The following PCCA variants were observed in gnomAD, a reference collection of about 807,000 sequenced individuals.
The protein encoded by PCCA is propionyl-CoA carboxylase subunit alpha, also known as propionyl-CoA carboxylase alpha chain, mitochondrial.
PCCA carries 74 observed loss-of-function variants against 101.3 expected under a neutral mutation model. The ratio of observed to expected loss-of-function variants is 0.73; its 90% CI spans 0.61 to 0.89. PCCA has a LOEUF of 0.89. Among genes scored for constraint, PCCA ranks in the 40% least tolerant of loss-of-function variants. PCCA has a pLI of 0.00. For synonymous variants in PCCA, 294 were observed against 313.6 expected, an observed-to-expected ratio of 0.94 and a Z score of 0.66; for missense variants, 891 against 907.0, an observed-to-expected ratio of 0.98 and a Z score of 0.23.
At chr13:100,090,803 T>C (rs539850770) in intron 1 of PCCA, among the ~76,000 whole-genome samples, 22 of 152,328 alleles carry the variant, frequency 1.4e-4, no homozygotes, top group African/African-American at 5.3e-4. Flanking sequence ...TTACAGAAGA[T>C]GAAAGTGAGG....
chr13:100,342,845 C>G (rs1212170515), intron 18 of PCCA, among the ~76,000 whole-genome samples: 1 of 151,672 alleles, frequency 6.6e-6, no homozygotes, highest in Non-Finnish European at 1.5e-5. Flanking sequence ...CCTCAGTGTC[C>G]CTGGTAGCCA....
chr13:100,172,031 CA>C (rs3034651), intron 6 of PCCA, among the ~76,000 whole-genome samples: 3,579 of 100,784 alleles, frequency 0.036, 109 homozygotes, highest in African/African-American at 0.11. Context: ...GACTCTGTCT[CA>C]AAAAAAAAAA....
At chr13:100,097,403 T>C (rs2046864551) in intron 1 of PCCA, among the ~76,000 whole-genome samples, 1 of 152,074 alleles carries the variant, frequency 6.6e-6, no homozygotes, top group East Asian at 1.9e-4. Flanking sequence ...TTTTATGGTA[T>C]GTGAATTACA....
chr13:100,489,214 A>C (rs1231844246), intron 21 of PCCA, among the ~76,000 whole-genome samples: 1 of 152,200 alleles, frequency 6.6e-6, no homozygotes, highest in Non-Finnish European at 1.5e-5. Context: ...AGGCTGAGGC[A>C]GGAGAATGGC....
In PCCA at chr13:100,302,474, C is replaced by T. The variant is rs144079347; in HGVS notation, c.1210-450C>T. ...TACAAATGAAGTGCATATCTAGTAG[C>T]GTGCAAAGTTTTTTTTTTCAGGTCT... On this transcript the variant is annotated intron_variant, in intron 13 of 23. Coordinates refer to ENST00000376285, the MANE Select transcript of PCCA (RefSeq NM_000282.4). Among the ~76,000 whole-genome samples the T allele has an allele frequency of 3.7e-3, 555 of 151,546 alleles. 3 individuals are homozygous for T. The highest frequency in any genetic ancestry group is 0.013 in the African/African-American group (526 of 41,304).
At chr13:100,421,219 T>A (rs1879357968) in intron 19 of PCCA, among the ~76,000 whole-genome samples, 2 of 151,578 alleles carry the variant, frequency 1.3e-5, no homozygotes, top group Admixed American at 1.3e-4. Context: ...AAAAAAAAAA[T>A]TAATGTACTG....
At chr13:100,404,304 G>T (rs1337026535) in intron 19 of PCCA, among the ~76,000 whole-genome samples, 3 of 152,198 alleles carry the variant, frequency 2.0e-5, no homozygotes, top group African/African-American at 2.4e-5. Flanking sequence ...GGCATGTTGG[G>T]CTTCTGGGTT....
rs183665643 is a variant in PCCA, at chr13:100,245,817, A to G, written c.637+9939A>G. Among the ~76,000 whole-genome samples, 5 of 152,298 alleles carry G rather than the reference A, an allele frequency of 3.3e-5. No homozygotes were observed. In the East Asian group the frequency reaches 5.8e-4, roughly 18 times the overall value. ...TGTCATCCCTTGCCTACATCACTGT[A>G]ACAGCTTTTGAAATGTACTCCTCTT... On this transcript the variant is annotated intron_variant, in intron 8 of 23. Coordinates refer to ENST00000376285, the MANE Select transcript of PCCA (RefSeq NM_000282.4).
intron 6 of PCCA, among the ~76,000 whole-genome samples, chr13:100,182,260 C>T (rs2056870138): frequency 6.6e-6 from 1 of 151,820 alleles, no homozygotes; most frequent in South Asian, 2.1e-4. Flanking sequence ...CCACACCTGG[C>T]TCATTTTTGT....
rs368935467 is a variant in PCCA at position 100,291,163 on chromosome 13, A to T, written c.1066-10297A>T. ...TGTTGTGGCTCATGCCTGTAATCCC[A>T]GCACTTTTGGAGGCTGAGGCAGGAG... On this transcript the variant is annotated intron_variant, in intron 12 of 23. Coordinates refer to ENST00000376285, the MANE Select transcript of PCCA (RefSeq NM_000282.4). 4.6e-5 allele frequency among the ~76,000 whole-genome samples: 7 copies of T among 152,318 alleles called. No homozygotes were observed. The East Asian group carries it at 1.2e-3, about 25-fold the overall frequency.
intron 21 of PCCA, among the ~76,000 whole-genome samples, chr13:100,495,922 A>C (rs1484877116): frequency 2.6e-5 from 4 of 152,152 alleles, no homozygotes; most frequent in African/African-American, 9.7e-5. Flanking sequence ...AGAGTCCGCA[A>C]ATGTTAACAT....
At chr13:100,364,426 A>G (rs920458546) in intron 18 of PCCA, among the ~76,000 whole-genome samples, 1 of 152,256 alleles carries the variant, frequency 6.6e-6, no homozygotes, top group Non-Finnish European at 1.5e-5. Context: ...CAAAGTAAGT[A>G]TTATAAATGT....
chr13:100,324,680 A>AGTT (rs2068449499), intron 16 of PCCA, among the ~76,000 whole-genome samples: 1 of 152,214 alleles, frequency 6.6e-6, no homozygotes, highest in African/African-American at 2.4e-5. Flanking sequence ...CGCAGCATGA[A>AGTT]ATCATAACCA....
intron 7 of PCCA, among the ~76,000 whole-genome samples, chr13:100,211,700 T>A (rs937575231): frequency 1.3e-5 from 2 of 152,174 alleles, no homozygotes; most frequent in Admixed American, 1.3e-4. Flanking sequence ...AATCTTACTT[T>A]TTTTCATGGC....
At chr13:100,407,166 A>G (rs752752524) in intron 19 of PCCA, among the ~76,000 whole-genome samples, 2 of 152,262 alleles carry the variant, frequency 1.3e-5, no homozygotes, top group Non-Finnish European at 2.9e-5. Context: ...TAGAAATCCC[A>G]TACAATTTGG....
At chr13:100,505,779 A>C (rs921625106) in intron 21 of PCCA, among the ~76,000 whole-genome samples, 4 of 152,168 alleles carry the variant, frequency 2.6e-5, no homozygotes, top group Non-Finnish European at 5.9e-5. Flanking sequence ...ACGTGGGAGG[A>C]TCACTTGTGC....
intron 19 of PCCA, among the ~76,000 whole-genome samples, chr13:100,404,093 T>A (rs1364329154): frequency 6.6e-6 from 1 of 152,220 alleles, no homozygotes; most frequent in Admixed American, 6.5e-5. Flanking sequence ...AAGGGGCCGT[T>A]GTCAGAGTCT....
intron 6 of PCCA, among the ~76,000 whole-genome samples, chr13:100,191,807 C>T (rs1471360876): frequency 6.6e-6 from 1 of 152,192 alleles, no homozygotes; most frequent in African/African-American, 2.4e-5. Context: ...GAATATCATT[C>T]TGCTGAGATT....
At chr13:100,172,960 CTTG>C (rs2152417937) in intron 6 of PCCA, among the ~76,000 whole-genome samples, 1 of 152,280 alleles carries the variant, frequency 6.6e-6, no homozygotes, top group African/African-American at 2.4e-5. Context: ...GATTATACAG[CTTG>C]TTGTGGCACA....
Sources: allele counts gnomAD v4.1 joint callset (sites outside exome capture counted in the v4.1 genomes callset), GRCh38; gene constraint gnomAD v4.1.1; transcripts MANE v1.5; gene names NCBI Gene and HGNC (gene_info 2026-07-23, HGNC 2026-07-21).